MTR: variants seen among roughly 807,000 people sequenced by gnomAD.
The protein encoded by MTR is methionine synthase.
In MTR, 84 loss-of-function variants were observed where a neutral mutation model predicts 154.8. The ratio of observed to expected loss-of-function variants is 0.54; its 90% CI spans 0.45 to 0.65. MTR has a LOEUF of 0.65. MTR is among the 30% of genes least tolerant of loss of function. The probability of loss-of-function intolerance (pLI) is 0.00; values close to 1 mark genes in which losing one functional copy is unlikely to be tolerated. For synonymous variants in MTR, 554 were observed against 553.9 expected (o/e 1.00, Z 0.00); for missense variants, 1,275 against 1,570.2 (o/e 0.81, Z 3.18).
chr1:236,897,310 G>GCGCGCGCGCACACACA, intron 32 of MTR, among the ~76,000 whole-genome samples, 192 bp downstream of exon 32: 2,444 of 128,636 alleles, frequency 0.019, 59 homozygotes, highest in East Asian at 0.047. Context: ...CCACACACAC[G>GCGCGCGCGCACACACA]CACACACACA....
intron 15 of MTR, among the ~76,000 whole-genome samples, chr1:236,842,996 G>T (rs1355379620): frequency 6.7e-6 from 1 of 149,768 alleles, no homozygotes; most frequent in Non-Finnish European, 1.5e-5. Flanking sequence ...TGAGGCATGA[G>T]AATTGCTTGA....
At chr1:236,803,960 A>G (rs1242588005) in intron 2 of MTR, among the ~76,000 whole-genome samples, 1 of 152,220 alleles carries the variant, frequency 6.6e-6, no homozygotes, top group Non-Finnish European at 1.5e-5. Flanking sequence ...AACAGCCCTG[A>G]TGAAGAAATG....
intron 6 of MTR, among the ~76,000 whole-genome samples, chr1:236,814,763 C>T (rs1331024645): frequency 2.6e-5 from 4 of 152,040 alleles, no homozygotes; most frequent in Non-Finnish European, 5.9e-5. Flanking sequence ...TTGAGTCCCA[C>T]CCCATTTTCC....
At chr1:236,818,100 C>T (rs912141427) in intron 8 of MTR, among the ~76,000 whole-genome samples, 8 of 152,104 alleles carry the variant, frequency 5.3e-5, no homozygotes, top group Admixed American at 2.0e-4. Flanking sequence ...TCTCTTTTCC[C>T]GCCCCTTTGC....
intron 10 of MTR, 107 bp from the exon 11 acceptor site, chr1:236,826,722 A>G (rs1662309080): frequency 3.6e-6 from 3 of 842,482 alleles, no homozygotes; most frequent in African/African-American, 1.7e-5. Flanking sequence ...TCTTTTTAGT[A>G]TAGTCTTAGT....
In MTR at chr1:236,897,719, C is replaced by A; in HGVS notation, c.*75C>A. 1.5e-6 allele frequency: 2 copies of A among 1,326,136 alleles called. No homozygotes were observed. Among genetic ancestry groups the A allele is most frequent in the Admixed American group, 1.8e-5 (1 of 56,500 alleles). 82.1% of individuals were successfully genotyped at this position (1,326,136 alleles called of 1,614,324 possible). ...ACAACCTAGGGTGCCTTAAAAATAACAACAACAAAAAACCTGTGTGCATCT... is the reference window on the plus strand; with the variant it reads ...ACAACCTAGGGTGCCTTAAAAATAAAAACAACAAAAAACCTGTGTGCATCT... On this transcript the variant is annotated 3_prime_UTR_variant, in exon 33 of 33. Coordinates refer to ENST00000366577, the MANE Select transcript of MTR (RefSeq NM_000254.3).
intron 15 of MTR, among the ~76,000 whole-genome samples, chr1:236,848,343 T>G (rs1488663189): frequency 6.6e-6 from 1 of 152,110 alleles, no homozygotes; most frequent in African/African-American, 2.4e-5. Flanking sequence ...GGACCTTGAC[T>G]TCTTCATCTA....
intron 15 of MTR, among the ~76,000 whole-genome samples, chr1:236,840,665 C>G (rs1040938675): frequency 4.6e-5 from 7 of 152,190 alleles, no homozygotes; most frequent in African/African-American, 1.7e-4. Context: ...AACTCTTTTC[C>G]CCTGCTCAAC....
intron 15 of MTR, among the ~76,000 whole-genome samples, chr1:236,845,247 T>C (rs1400347388): frequency 1.3e-5 from 2 of 152,208 alleles, no homozygotes; most frequent in Non-Finnish European, 2.9e-5. Context: ...AAGGATAGGT[T>C]TTCCCAATTT....
rs1396013496 is a variant in MTR, at chr1:236,795,457, G to C, written c.-247G>C. On this transcript the variant is annotated 5_prime_UTR_variant, in exon 1 of 33. Coordinates refer to ENST00000366577, the MANE Select transcript of MTR (RefSeq NM_000254.3). ...GCTAGGCCGACACCAAGGACTGGCC[G>C]GGTACCCGGGAAGAAAGCACGTGCT... The C allele has an allele frequency of 2.7e-6, 4 of 1,498,540 alleles. No homozygotes were observed. The highest frequency in any genetic ancestry group is 2.7e-6 in the Non-Finnish European group (3 of 1,122,648). 92.8% of individuals were successfully genotyped at this position (1,498,540 alleles called of 1,614,324 possible).
chr1:236,816,521 G>A lies in MTR; in HGVS notation c.742G>A (p.Val248Met), dbSNP rs142648132. 6.5e-4 allele frequency: 1,053 copies of A among 1,614,056 alleles called. 2 individuals are homozygous for A. Among genetic ancestry groups the A allele is most frequent in the Non-Finnish European group, 6.6e-4 (783 of 1,179,936 alleles). ...GACAGGAGAGGGATTTGTCATCAGCGTGTCTCATGGAGAACCACTCTGGTG... is the reference window on the plus strand; with the variant it reads ...GACAGGAGAGGGATTTGTCATCAGCATGTCTCATGGAGAACCACTCTGGTG... ...GQTGEGFVISVSHGEPLCIGL... is the reference protein window; with the variant it reads ...GQTGEGFVISMSHGEPLCIGL... The change falls in exon 8 of 33, where the codon GTG becomes ATG. Residue 248 changes from valine (V) to methionine (M), a missense_variant. Coordinates refer to ENST00000366577, the MANE Select transcript of MTR (RefSeq NM_000254.3).
intron 15 of MTR, among the ~76,000 whole-genome samples, chr1:236,846,677 ATC>A (rs1663594190): frequency 6.6e-6 from 1 of 152,070 alleles, no homozygotes; most frequent in African/African-American, 2.4e-5. Context: ...TAAATAGGCA[ATC>A]TCTAGATCAT....
chr1:236,820,940 A>G (rs553299265), intron 8 of MTR, among the ~76,000 whole-genome samples: 1 of 152,332 alleles, frequency 6.6e-6, no homozygotes, highest in Admixed American at 6.5e-5. Context: ...TGCTATCTGT[A>G]TATCTTCTTT....
intron 18 of MTR, among the ~76,000 whole-genome samples, chr1:236,858,583 G>A (rs149261495): frequency 6.6e-6 from 1 of 152,298 alleles, no homozygotes; most frequent in Non-Finnish European, 1.5e-5. Flanking sequence ...CATTTTGGAA[G>A]CATCCTTTTG....
In MTR at chr1:236,834,337, G is replaced by A. The variant is rs185172217; in HGVS notation, c.1189-1210G>A. ...TGGGACTACGGGCTCATGCCACCAG[G>A]CCCAGCTAATTTTTGTATTTTTAGT... On this transcript the variant is annotated intron_variant, in intron 13 of 32. Coordinates refer to ENST00000366577, the MANE Select transcript of MTR (RefSeq NM_000254.3). Among the ~76,000 whole-genome samples the A allele has an allele frequency of 2.5e-3, 373 of 152,232 alleles. 2 individuals carry two copies. The highest frequency in any genetic ancestry group is 8.0e-3 in the African/African-American group (331 of 41,554).
At position 236,795,536 on chromosome 1, in the gene MTR, C is replaced by G; in HGVS notation, c.-168C>G. ...GAGGCCCTAGGGCGCTGCGGGCTTT[C>G]GGGGTCCGCAGTCCCCCCGCGACGC... On this transcript the variant is annotated 5_prime_UTR_variant, in exon 1 of 33. Transcript: ENST00000366577. 6.5e-7 allele frequency: 1 copy of G among 1,532,246 alleles called. No individual in the cohort carries two copies. The highest frequency in any genetic ancestry group is 1.2e-5 in the South Asian group (1 of 84,132). The allele number at this position is 1,532,246 out of a possible 1,614,324, so 94.9% of individuals were successfully genotyped here.
intron 24 of MTR, among the ~76,000 whole-genome samples, chr1:236,875,092 A>C (rs1482528792): frequency 2.0e-5 from 3 of 152,206 alleles, no homozygotes; most frequent in Non-Finnish European, 4.4e-5. Context: ...GGCTTGCAAT[A>C]ATCTTTTTCT....
At chr1:236,823,224 C>G (rs1386338802) in intron 8 of MTR, among the ~76,000 whole-genome samples, 1 of 152,134 alleles carries the variant, frequency 6.6e-6, no homozygotes, top group Non-Finnish European at 1.5e-5. Flanking sequence ...ATCTGAAATG[C>G]TTGGGACCAG....
chr1:236,854,154 A>T (rs1168669451), intron 18 of MTR, among the ~76,000 whole-genome samples: 1 of 152,218 alleles, frequency 6.6e-6, no homozygotes, highest in Non-Finnish European at 1.5e-5. Flanking sequence ...TGGAAGAAGG[A>T]TAGGACACTA....
Sources: allele counts gnomAD v4.1 joint callset (sites outside exome capture counted in the v4.1 genomes callset), GRCh38; gene constraint gnomAD v4.1.1; transcripts MANE v1.5; gene names NCBI Gene and HGNC (gene_info 2026-07-23, HGNC 2026-07-21).